Variants in XRCC3 observed in about 807,000 individuals in gnomAD.
The protein encoded by XRCC3 is X-ray repair cross complementing 3, also known as DNA repair protein XRCC3.
In XRCC3, 34 loss-of-function variants were observed where a neutral mutation model predicts 29.2. The observed-to-expected ratio is 1.16, with a 90% CI of 0.88 to 1.55. The LOEUF (loss-of-function observed/expected upper bound fraction) is 1.55, where lower values mean the gene tolerates loss of function less well. Among genes scored for constraint, XRCC3 ranks in the 40% most tolerant of loss-of-function variants. The pLI is 0.00. For missense variants in XRCC3, 463 were observed against 467.6 expected (o/e 0.99, Z 0.09); for synonymous variants, 223 against 211.3 (o/e 1.06, Z -0.48).
Position 103,699,433 on chromosome 14 carries a change from C to T in XRCC3, c.705G>A (p.Leu235=), listed in dbSNP as rs1595626794. 1.2e-6 allele frequency: 2 copies of T among 1,612,940 alleles called. No homozygotes were observed. Among genetic ancestry groups the T allele is most frequent in the Non-Finnish European group, 8.5e-7 (1 of 1,179,948 alleles). The change falls in exon 8 of 10, where the codon CTG becomes CTA. Residue 235 remains leucine (L), a synonymous_variant. Transcript: ENST00000555055. ...CACGCAGCGTGGCCCCCAGGGACTG[C>T]AGATGCCTGGCCCTGGGGGCGGAGG... The part of the protein sequence containing the change: ...SQASAPRARH[L]QSLGATLREL...
chr14:103,712,890 A>G lies in XRCC3; in HGVS notation c.-276T>C, dbSNP rs2151945309. The G allele has an allele frequency of 6.6e-6, 1 of 152,508 alleles. No homozygotes were observed. Among genetic ancestry groups the G allele is most frequent in the South Asian group, 2.1e-4 (1 of 4,834 alleles). 9.4% of individuals were successfully genotyped at this position (152,508 alleles called of 1,614,324 possible). A position where few individuals can be genotyped will look rare whatever the true frequency, so the allele number is the denominator to read the frequency against. Reference sequence around the variant, plus strand: ...ACAGACTCACCGGTTGGCCAACGGCAGTCCGGCTCCTGAGGCTCCTCCTGG... The same window carrying G: ...ACAGACTCACCGGTTGGCCAACGGCGGTCCGGCTCCTGAGGCTCCTCCTGG... On this transcript the variant is annotated 5_prime_UTR_variant, in exon 2 of 10. Transcript: ENST00000555055.
chr14:103,705,888 G>A (rs945008070), intron 6 of XRCC3: 1 of 174,532 alleles, frequency 5.7e-6, no homozygotes, highest in Admixed American at 5.6e-5. Flanking sequence ...CTCGAGTCCC[G>A]CCTCCACCTC....
At chr14:103,706,145 T>C in intron 6 of XRCC3, 1 of 354,992 alleles carries the variant, frequency 2.8e-6, no homozygotes, top group South Asian at 2.1e-5. Flanking sequence ...CCCCTCACCC[T>C]CCACCCAGCA....
At chr14:103,710,921 A>C in intron 4 of XRCC3, 112 bp downstream of exon 4, 1 of 1,054,012 alleles carries the variant, frequency 9.5e-7, no homozygotes, top group Non-Finnish European at 1.5e-6. Flanking sequence ...TCGGTTTAAT[A>C]ATCAGGGTAG....
At chr14:103,708,337 C>T (rs1044878464) in intron 5 of XRCC3, 185 bp downstream of exon 5, 17 of 872,720 alleles carry the variant, frequency 1.9e-5, no homozygotes, top group Non-Finnish European at 2.3e-5. Context: ...TCTTCTGACC[C>T]GATGCTGTGA....
At chr14:103,702,089 C>G (rs111536408) in intron 7 of XRCC3, 1 of 152,362 alleles carries the variant, frequency 6.6e-6, no homozygotes, top group African/African-American at 2.4e-5. Context: ...TGTCTATAAA[C>G]TAAGCACTGA....
rs2082783465 is a variant in XRCC3 at position 103,698,657 on chromosome 14, G to C, written c.*141C>G. On this transcript the variant is annotated 3_prime_UTR_variant, in exon 10 of 10. Transcript: ENST00000555055. ...GTCTGTGGCCACCATCTTCGGATGA[G>C]AAAGTGGAGCCGCTGCCCTGGAAGA... 1 of 770,908 alleles carries C rather than the reference G, an allele frequency of 1.3e-6. No individual in the cohort carries two copies. Among genetic ancestry groups the C allele is most frequent in the African/African-American group, 1.7e-5 (1 of 58,092 alleles). The allele number at this position is 770,908 out of a possible 1,614,324, so 47.8% of individuals were successfully genotyped here.
chr14:103,712,344 C>A, intron 2 of XRCC3: 1 of 154,358 alleles, frequency 6.5e-6, no homozygotes, highest in Admixed American at 6.4e-5. Context: ...GGGCGCAGGC[C>A]AAGGCAGGGC....
At position 103,698,229 on chromosome 14, in the gene XRCC3, T is replaced by TG. The variant is rs2082732170; in HGVS notation, c.*568dup. ...CACCTTGTACCACACTGAAGTTTTG[T>TG]GGGGCACAGTGTGTGCCGAGGTGGG... On this transcript the variant is annotated 3_prime_UTR_variant, in exon 10 of 10. Transcript: ENST00000555055. 5.8e-6 allele frequency: 1 copy of TG among 171,362 alleles called. No homozygotes were observed. Among genetic ancestry groups the TG allele is most frequent in the Admixed American group, 5.5e-5 (1 of 18,076 alleles). 10.6% of individuals were successfully genotyped at this position (171,362 alleles called of 1,614,324 possible). A position where few individuals can be genotyped will look rare whatever the true frequency, so the allele number is the denominator to read the frequency against.
rs536818560 is a variant in XRCC3, at chr14:103,702,904, G to A, written c.561+269C>T. On this transcript the variant is annotated intron_variant, in intron 7 of 9. Coordinates refer to ENST00000555055, the MANE Select transcript of XRCC3 (RefSeq NM_005432.4). Reference sequence around the variant, plus strand: ...CCATCCTCCACAGTCCCCAGAGGCCGTCTGATCCCCAAGGCACACCTTCAG... The same window carrying A: ...CCATCCTCCACAGTCCCCAGAGGCCATCTGATCCCCAAGGCACACCTTCAG... The A allele has an allele frequency of 1.4e-4, 71 of 508,104 alleles. No individual in the cohort carries two copies. In the East Asian group the frequency reaches 1.5e-3, roughly 11 times the overall value. The allele number at this position is 508,104 out of a possible 1,614,324, so 31.5% of individuals were successfully genotyped here.
intron 6 of XRCC3, 165 bp downstream of exon 6, chr14:103,706,838 C>T (rs936794205): frequency 2.4e-6 from 2 of 840,062 alleles, no homozygotes; most frequent in East Asian, 2.7e-5. Context: ...TCACTTCCCC[C>T]TCCCTGTTCT....
intron 4 of XRCC3, chr14:103,709,101 G>C: frequency 3.0e-6 from 1 of 332,780 alleles, no homozygotes; most frequent in Non-Finnish European, 5.9e-6. Context: ...GCTGAGCCGC[G>C]GGAGAGGACA....
chr14:103,714,680 T>C (rs920707628), intron 1 of XRCC3, among the ~76,000 whole-genome samples: 4 of 152,138 alleles, frequency 2.6e-5, no homozygotes, highest in African/African-American at 9.7e-5. Context: ...ATTTTCTTCT[T>C]TTTTTTGTGT....
chr14:103,698,885 G>C lies in XRCC3; in HGVS notation c.954C>G (p.Leu318=), dbSNP rs1360454779. Residue 318 remains leucine, a synonymous_variant, in exon 10 of 10, where the codon CTC becomes CTG. Coordinates refer to ENST00000555055, the MANE Select transcript of XRCC3 (RefSeq NM_005432.4). Reference sequence around the variant, plus strand: ...AGGAGGGGGGCAGGTGGGGGGCAGAGAGCACCCGCAGGGTCCGGGCTGGGC... The same window carrying C: ...AGGAGGGGGGCAGGTGGGGGGCAGACAGCACCCGCAGGGTCCGGGCTGGGC... ...LGCPARTLRV[L]SAPHLPPSSC... 1.9e-6 allele frequency: 3 copies of C among 1,605,490 alleles called. No individual in the cohort carries two copies. Among genetic ancestry groups the C allele is most frequent in the South Asian group, 1.1e-5 (1 of 89,716 alleles).
intron 5 of XRCC3, 188 bp downstream of exon 5, chr14:103,708,334 A>G (rs2083510111): frequency 1.2e-6 from 1 of 845,702 alleles, no homozygotes; most frequent in South Asian, 1.6e-5. Context: ...GCATCTTCTG[A>G]CCCGATGCTG....
At chr14:103,711,725 C>A (rs755234415) in intron 2 of XRCC3, 158 bp from the exon 3 acceptor site, 43 of 456,032 alleles carry the variant, frequency 9.4e-5, no homozygotes, top group South Asian at 6.7e-4. Context: ...GAGCTGGCAG[C>A]CATTCCACAG....
In XRCC3 at chr14:103,698,779, T is replaced by C. The variant is rs1288688077; in HGVS notation, c.*19A>G. 6 of 1,575,162 alleles carry C rather than the reference T, an allele frequency of 3.8e-6. No individual in the cohort carries two copies. Among genetic ancestry groups the C allele is most frequent in the South Asian group, 2.3e-5 (2 of 86,388 alleles). On this transcript the variant is annotated 3_prime_UTR_variant, in exon 10 of 10. Transcript: ENST00000555055. ...TGTCGGGGCTTCTCAGGCAGGGCTGTTGTGCAGCCGCCACCGTGTCAGTGG... is the reference window on the plus strand; with the variant it reads ...TGTCGGGGCTTCTCAGGCAGGGCTGCTGTGCAGCCGCCACCGTGTCAGTGG...
At chr14:103,709,434 G>A (rs2151941324) in intron 4 of XRCC3, 1 of 155,082 alleles carries the variant, frequency 6.4e-6, no homozygotes, top group Non-Finnish European at 1.4e-5. Flanking sequence ...CCGGCCACGG[G>A]GACTTACACC....
intron 7 of XRCC3, chr14:103,702,338 G>A (rs1400044296): frequency 6.6e-6 from 1 of 152,362 alleles, no homozygotes; most frequent in Admixed American, 6.5e-5. Flanking sequence ...TTGGCCAGGT[G>A]GAGCCCCTGT....
Sources: gnomAD v4.1 joint callset for allele counts (sites outside exome capture counted in the v4.1 genomes callset) on GRCh38, gnomAD v4.1.1 for gene constraint, MANE v1.5 for transcripts, NCBI Gene and HGNC (gene_info 2026-07-23, HGNC 2026-07-21) for gene names.